The following GARRE1 variants were observed in gnomAD, a reference collection of about 807,000 sequenced individuals.
The protein encoded by GARRE1 is granule associated Rac and RHOG effector protein 1.
Under a neutral mutation model 103.2 loss-of-function variants are expected in GARRE1, and 49 were observed. The observed-to-expected ratio is 0.47, with a 90% confidence interval of 0.38 to 0.60. GARRE1 has a LOEUF of 0.60. Among genes scored for constraint, GARRE1 ranks in the 20% least tolerant of loss-of-function variants. The probability of loss-of-function intolerance (pLI) is 0.00; values close to 1 mark genes in which losing one functional copy is unlikely to be tolerated. For missense variants in GARRE1, 1,199 were observed against 1,370.5 expected, an observed-to-expected ratio of 0.87 and a Z score of 1.98; for synonymous variants, 505 against 532.8, an observed-to-expected ratio of 0.95 and a Z score of 0.72.
chr19:34,271,394 G>A (rs1165751488), intron 1 of GARRE1, among the ~76,000 whole-genome samples: 1 of 151,886 alleles, frequency 6.6e-6, no homozygotes, highest in African/African-American at 2.4e-5. Context: ...GACTACAGGT[G>A]TGTGCCACCA....
chr19:34,321,223 ATTTTTTTTT>A lies in GARRE1; in HGVS notation c.705+1125_705+1133del, dbSNP rs71165648. ...AGGCGCCCGCCACCAAGCCCGGCTAATTTTTTTTTTTTTTTTTTTTTTTTTTGTATTTTT... is the reference window on the plus strand; with the variant it reads ...AGGCGCCCGCCACCAAGCCCGGCTAATTTTTTTTTTTTTTTTTGTATTTTT... On this transcript the variant is annotated intron_variant, in intron 3 of 13. Coordinates refer to ENST00000299505, the MANE Select transcript of GARRE1 (RefSeq NM_014686.5). Among the ~76,000 whole-genome samples the A allele has an allele frequency of 1.4e-3, 105 of 77,374 alleles. 1 individual carries two copies. Among genetic ancestry groups the A allele is most frequent in the African/African-American group, 3.9e-3 (93 of 24,056 alleles). The allele number at this position is 77,374 out of a possible 152,430, so 50.8% of individuals were successfully genotyped here.
intron 1 of GARRE1, among the ~76,000 whole-genome samples, chr19:34,291,973 C>T (rs1191556873): frequency 1.3e-5 from 2 of 152,054 alleles, no homozygotes; most frequent in East Asian, 1.9e-4. Flanking sequence ...ATTCTTCTGC[C>T]TCAGCCTCCT....
intron 1 of GARRE1, among the ~76,000 whole-genome samples, chr19:34,258,722 G>A (rs1269249497): frequency 2.6e-5 from 4 of 152,114 alleles, no homozygotes; most frequent in South Asian, 2.1e-4. Context: ...CCTGGGAGGC[G>A]GAGCTTGCAG....
intron 1 of GARRE1, among the ~76,000 whole-genome samples, chr19:34,268,903 C>T (rs2073769016): frequency 6.6e-6 from 1 of 152,208 alleles, no homozygotes; most frequent in South Asian, 2.1e-4. Flanking sequence ...ACGCATTGAT[C>T]TTCCTGTTCC....
At chr19:34,269,862 T>C (rs2073776015) in intron 1 of GARRE1, among the ~76,000 whole-genome samples, 1 of 152,224 alleles carries the variant, frequency 6.6e-6, no homozygotes, top group South Asian at 2.1e-4. Flanking sequence ...CATGCTTTAG[T>C]ATTAATTCCA....
At chr19:34,316,181 G>A (rs1232487327) in intron 2 of GARRE1, among the ~76,000 whole-genome samples, 8 of 152,128 alleles carry the variant, frequency 5.3e-5, no homozygotes, top group Non-Finnish European at 1.0e-4. Context: ...TCCGTAAAAT[G>A]GGTGAATTGC....
rs1408225008 is a variant in GARRE1, at chr19:34,348,018, C to T, written c.2663C>T (p.Pro888Leu). The T allele has an allele frequency of 6.6e-7, 1 of 1,511,092 alleles. No homozygotes were observed. The highest frequency in any genetic ancestry group is 1.3e-5 in the South Asian group (1 of 78,318). The allele number at this position is 1,511,092 out of a possible 1,614,324, so 93.6% of individuals were successfully genotyped here. The change falls in exon 11 of 14, where the codon CCC (proline) becomes CTC (leucine). Residue 888 changes from proline to leucine, a missense_variant. Physicochemically the swap from Pro to Leu is moderately conservative, Grantham distance 98. Coordinates refer to ENST00000299505, the MANE Select transcript of GARRE1 (RefSeq NM_014686.5). Reference sequence around the variant, plus strand: ...ATGGATGACGCGCATCGGACCTGGCCCTTCCCCGAGTTCTTCACAGAAGGG... The same window carrying T: ...ATGGATGACGCGCATCGGACCTGGCTCTTCCCCGAGTTCTTCACAGAAGGG... Reference protein sequence around the residue: ...PPMDDAHRTWPFPEFFTEGDG... With the variant: ...PPMDDAHRTWLFPEFFTEGDG...
rs2074267192 is a variant in GARRE1, at chr19:34,355,457, T to C, written c.*2502T>C. The C allele has an allele frequency of 6.5e-6, 1 of 152,676 alleles. No individual in the cohort carries two copies. The highest frequency in any genetic ancestry group is 6.5e-5 in the Admixed American group (1 of 15,282). 9.5% of individuals were successfully genotyped at this position (152,676 alleles called of 1,614,324 possible). On this transcript the variant is annotated 3_prime_UTR_variant, in exon 14 of 14. Coordinates refer to ENST00000299505, the MANE Select transcript of GARRE1 (RefSeq NM_014686.5). ...CCTTGCTAGGGCATCAGCAGGACAT[T>C]GTGTGTATAGTTACAATGCTTCCAA...
At chr19:34,295,126 C>T (rs1051183947) in intron 1 of GARRE1, among the ~76,000 whole-genome samples, 1 of 152,162 alleles carries the variant, frequency 6.6e-6, no homozygotes, top group Non-Finnish European at 1.5e-5. Context: ...ATGCCAATTT[C>T]CTGGGAATGG....
intron 4 of GARRE1, 39 bp from the exon 5 acceptor site, chr19:34,327,732 G>A: frequency 6.4e-7 from 1 of 1,566,562 alleles, no homozygotes; most frequent in African/African-American, 1.4e-5. Flanking sequence ...CTTATAATTT[G>A]CTTTACGATC....
At chr19:34,317,455 C>T (rs2074065105) in intron 2 of GARRE1, among the ~76,000 whole-genome samples, 1 of 152,212 alleles carries the variant, frequency 6.6e-6, no homozygotes, top group African/African-American at 2.4e-5. Context: ...CCCATAGCTG[C>T]CAAGGTGCTG....
rs769645931 is a variant in GARRE1, at chr19:34,341,539, A to G, written c.1605A>G (p.Thr535=). 13 of 1,614,052 alleles carry G rather than the reference A, an allele frequency of 8.1e-6. No individual in the cohort carries two copies. Among genetic ancestry groups the G allele is most frequent in the Non-Finnish European group, 1.0e-5 (12 of 1,180,046 alleles). Residue 535 remains threonine, a synonymous_variant, in exon 10 of 14, where the codon ACA becomes ACG. Transcript: ENST00000299505. ...GNKSSGGLQK[T]FSKLTSRFTK... ...AATCTTCAGGTGGCCTGCAGAAGAC[A>G]TTCTCCAAACTGACATCCCGGTTCA...
chr19:34,307,579 ATG>A (rs1294488432), intron 2 of GARRE1, among the ~76,000 whole-genome samples: 1 of 147,234 alleles, frequency 6.8e-6, no homozygotes, highest in African/African-American at 2.5e-5. Context: ...TTATATATGT[ATG>A]TATATATATA....
chr19:34,329,840 AAAG>A (rs2074129232), intron 6 of GARRE1, among the ~76,000 whole-genome samples: 1 of 151,780 alleles, frequency 6.6e-6, no homozygotes, highest in South Asian at 2.1e-4. Flanking sequence ...CCATCTCAAA[AAAG>A]AAAAAAAAAA....
At chr19:34,334,316 A>T (rs991670147) in intron 8 of GARRE1, among the ~76,000 whole-genome samples, 32 of 151,892 alleles carry the variant, frequency 2.1e-4, no homozygotes, top group Admixed American at 8.5e-4. Context: ...ATTTTTTTTT[A>T]AAAAAAGCTC....
At position 34,328,055 on chromosome 19, in the gene GARRE1, G is replaced by C; in HGVS notation, c.1008G>C (p.Gln336His). The C allele has an allele frequency of 6.2e-7, 1 of 1,614,198 alleles. No homozygotes were observed. Among genetic ancestry groups the C allele is most frequent in the Non-Finnish European group, 8.5e-7 (1 of 1,180,040 alleles). ...GRRQTPPQPM[Q>H]CELPTVPVQI... ...GGCAGACACCCCCGCAGCCCATGCA[G>C]TGTGAGCTCCCCACCGTCCCTGTGC... Residue 336 changes from glutamine to histidine, a missense_variant, in exon 6 of 14, where the codon CAG becomes CAC. Gln to His is a conservative substitution (Grantham distance 24). Coordinates refer to ENST00000299505, the MANE Select transcript of GARRE1 (RefSeq NM_014686.5).
chr19:34,292,601 C>T (rs945676657), intron 1 of GARRE1, among the ~76,000 whole-genome samples: 4 of 151,908 alleles, frequency 2.6e-5, no homozygotes, highest in African/African-American at 9.7e-5. Flanking sequence ...TTTGAGACAG[C>T]GTCTCACTCT....
intron 1 of GARRE1, among the ~76,000 whole-genome samples, chr19:34,260,421 C>T (rs929160821): frequency 6.6e-6 from 1 of 152,196 alleles, no homozygotes; most frequent in Non-Finnish European, 1.5e-5. Flanking sequence ...TCTGGAATGA[C>T]ACCTGCAATA....
At position 34,351,585 on chromosome 19, in the gene GARRE1, T is replaced by A. The variant is rs1461969517; in HGVS notation, c.2897T>A (p.Val966Glu). 1 of 1,612,250 alleles carries A rather than the reference T, an allele frequency of 6.2e-7. No individual in the cohort carries two copies. The change falls in exon 13 of 14, where the codon GTG becomes GAG. Residue 966 changes from valine to glutamate, a missense_variant. Physicochemically the swap from Val to Glu is moderately radical, Grantham distance 121. Coordinates refer to ENST00000299505, the MANE Select transcript of GARRE1 (RefSeq NM_014686.5). Reference protein sequence around the residue: ...SPPLLTTVEDVNQDNKTKTWP... With the variant: ...SPPLLTTVEDENQDNKTKTWP... ...CCTCTCCTCACCACGGTGGAGGATG[T>A]GAACCAGGTATTCAGGCAGGCTCTG...
Sources: allele counts gnomAD v4.1 joint callset (sites outside exome capture counted in the v4.1 genomes callset), GRCh38; gene constraint gnomAD v4.1.1; transcripts MANE v1.5; gene names NCBI Gene and HGNC (gene_info 2026-07-23, HGNC 2026-07-21).